The following DOCK4 variants were observed in gnomAD, a reference collection of about 807,000 sequenced individuals.
The protein encoded by DOCK4 is dedicator of cytokinesis 4.
A neutral mutation model predicts 268.1 loss-of-function variants in DOCK4; 97 were observed. That is an observed-to-expected ratio of 0.36 (90% CI 0.31 to 0.43). The LOEUF (loss-of-function observed/expected upper bound fraction) is 0.43, where lower values mean the gene tolerates loss of function less well. Among genes scored for constraint, DOCK4 ranks in the 20% least tolerant of loss-of-function variants. The pLI is 1.00. For synonymous variants in DOCK4, 954 were observed against 887.2 expected, an observed-to-expected ratio of 1.08 and a Z score of -1.34; for missense variants, 2,145 against 2,455.7, an observed-to-expected ratio of 0.87 and a Z score of 2.67.
chr7:111,758,881 G>C (rs1797208067), intron 40 of DOCK4, 91 bp from the exon 41 acceptor site: 1 of 1,161,088 alleles, frequency 8.6e-7, no homozygotes, highest in African/African-American at 1.6e-5. Context: ...AAGAGGATGG[G>C]TAACAATCTT....
At chr7:112,159,490 A>G (rs1816898762) in intron 1 of DOCK4, among the ~76,000 whole-genome samples, 1 of 151,922 alleles carries the variant, frequency 6.6e-6, no homozygotes, top group Non-Finnish European at 1.5e-5. Flanking sequence ...TGTTTTTCCT[A>G]CTTCTCTAAA....
At chr7:111,885,795 C>T (rs765394745) in intron 16 of DOCK4, among the ~76,000 whole-genome samples, 9 of 152,156 alleles carry the variant, frequency 5.9e-5, no homozygotes, top group African/African-American at 9.7e-5. Flanking sequence ...GAAATCAGAT[C>T]TGGCCAGAGA....
chr7:112,093,459 A>G (rs554406148), intron 1 of DOCK4, among the ~76,000 whole-genome samples: 16 of 152,280 alleles, frequency 1.1e-4, no homozygotes, highest in African/African-American at 3.9e-4. Context: ...GGGGGGGGAA[A>G]CAATTATATT....
chr7:112,008,855 G>T (rs1455335438), intron 1 of DOCK4, among the ~76,000 whole-genome samples: 1 of 152,276 alleles, frequency 6.6e-6, no homozygotes, highest in South Asian at 2.1e-4. Flanking sequence ...GTAGCTGGGC[G>T]TGGTGGCGGG....
At chr7:112,042,382 G>A (rs1349403498) in intron 1 of DOCK4, among the ~76,000 whole-genome samples, 1 of 152,106 alleles carries the variant, frequency 6.6e-6, no homozygotes. Flanking sequence ...TGTGAACGAG[G>A]ATATTCTGAG....
chr7:111,971,818 C>G (rs973189108), intron 8 of DOCK4: 2 of 301,830 alleles, frequency 6.6e-6, no homozygotes, highest in Non-Finnish European at 1.3e-5. Flanking sequence ...CTCTTTGCCA[C>G]AGCAACCTGA....
At chr7:111,998,529 G>A (rs760896104) in intron 3 of DOCK4, 26 bp from the exon 4 acceptor site, 22 of 1,557,086 alleles carry the variant, frequency 1.4e-5, no homozygotes, top group Middle Eastern at 3.4e-4. Context: ...TGAAGGTTAC[G>A]ATGCCGGCTG....
intron 26 of DOCK4, among the ~76,000 whole-genome samples, chr7:111,833,410 A>T (rs1802994871): frequency 6.6e-6 from 1 of 152,036 alleles, no homozygotes; most frequent in South Asian, 2.1e-4. Context: ...TAAGTGTGGT[A>T]GCATGTGCCT....
chr7:111,811,042 G>T (rs937957645), intron 28 of DOCK4, among the ~76,000 whole-genome samples: 9 of 151,822 alleles, frequency 5.9e-5, no homozygotes, highest in African/African-American at 2.2e-4. Flanking sequence ...AACAAAAAAA[G>T]AACCAAAGAA....
intron 13 of DOCK4, among the ~76,000 whole-genome samples, chr7:111,910,983 CAA>C (rs1792047395): frequency 1.3e-5 from 2 of 152,120 alleles, no homozygotes; most frequent in African/African-American, 4.8e-5. Context: ...TTTCCCATTT[CAA>C]AAAGAGTCTG....
In DOCK4 at chr7:112,038,103, A is replaced by G. The variant is rs143662897; in HGVS notation, c.38-33972T>C. Among the ~76,000 whole-genome samples the G allele has an allele frequency of 3.1e-3, 472 of 152,344 alleles. 1 individual carries two copies. Among genetic ancestry groups the G allele is most frequent in the Admixed American group, 7.4e-3 (113 of 15,312 alleles). ...TAAAATTATTCATGCCTGTCTACCTATCCATTCATTCATCCTTCTATCCGT... is the reference window on the plus strand; with the variant it reads ...TAAAATTATTCATGCCTGTCTACCTGTCCATTCATTCATCCTTCTATCCGT... On this transcript the variant is annotated intron_variant, in intron 1 of 52. Coordinates refer to ENST00000428084, the MANE Select transcript of DOCK4 (RefSeq NM_001363540.2).
intron 28 of DOCK4, among the ~76,000 whole-genome samples, chr7:111,809,891 A>G (rs1800961448): frequency 6.6e-6 from 1 of 152,216 alleles, no homozygotes; most frequent in African/African-American, 2.4e-5. Context: ...CAGACATTAT[A>G]TAAAAATTCC....
At position 111,767,111 on chromosome 7, in the gene DOCK4, T is replaced by C. The variant is rs774986722; in HGVS notation, c.3836A>G (p.Glu1279Gly). ...IQNFDRGKCW[E>G]NGIILCRKIA... ...CTTCCGGCACAAGATAATGCCATTC[T>C]CCCAACACTGTGGACAAATGAATGA... Residue 1279 changes from glutamate (E) to glycine (G), a missense_variant, in exon 38 of 53, where the codon GAG becomes GGG. Glu to Gly is a moderately conservative substitution (Grantham distance 98). Coordinates refer to ENST00000428084, the MANE Select transcript of DOCK4 (RefSeq NM_001363540.2). 1 of 1,613,184 alleles carries C rather than the reference T, an allele frequency of 6.2e-7. No individual in the cohort carries two copies.
At chr7:111,846,142 A>T (rs1489825556) in intron 24 of DOCK4, among the ~76,000 whole-genome samples, 3 of 152,174 alleles carry the variant, frequency 2.0e-5, no homozygotes, top group Non-Finnish European at 4.4e-5. Flanking sequence ...CTGAGGTCCC[A>T]TCCCACCTCA....
At chr7:112,140,826 A>C (rs971829720) in intron 1 of DOCK4, among the ~76,000 whole-genome samples, 24 of 152,150 alleles carry the variant, frequency 1.6e-4, no homozygotes, top group Non-Finnish European at 2.9e-5. Context: ...CACATGGCAG[A>C]GATGTTTTCA....
intron 20 of DOCK4, 116 bp downstream of exon 20, chr7:111,871,874 C>A (rs1806455885): frequency 1.4e-6 from 1 of 724,374 alleles, no homozygotes; most frequent in South Asian, 2.3e-5. Context: ...AGAGACACTT[C>A]AGTAGTGCTC....
At chr7:111,863,186 G>C in intron 23 of DOCK4, 186 bp downstream of exon 23, 1 of 629,244 alleles carries the variant, frequency 1.6e-6, no homozygotes, top group East Asian at 2.8e-5. Context: ...ATTCTTTCCA[G>C]AAATAAAGTT....
intron 24 of DOCK4, 96 bp downstream of exon 24, chr7:111,846,903 G>T: frequency 7.2e-7 from 1 of 1,380,922 alleles, no homozygotes; most frequent in Non-Finnish European, 9.6e-7. Flanking sequence ...GGTCTCAGAG[G>T]CTTCCTCTTT....
chr7:111,989,796 T>C (rs987455881), intron 5 of DOCK4, among the ~76,000 whole-genome samples: 5 of 152,168 alleles, frequency 3.3e-5, no homozygotes, highest in African/African-American at 9.7e-5. Flanking sequence ...AGCTCTGTGG[T>C]TTACTGGAAA....
Sources: gnomAD v4.1 joint callset for allele counts (sites outside exome capture counted in the v4.1 genomes callset) on GRCh38, gnomAD v4.1.1 for gene constraint, MANE v1.5 for transcripts, NCBI Gene and HGNC (gene_info 2026-07-23, HGNC 2026-07-21) for gene names.